The following FHOD3 variants were observed in gnomAD, a reference collection of about 807,000 sequenced individuals.
The protein encoded by FHOD3 is FH1/FH2 domain-containing protein 3.
In FHOD3, 90 loss-of-function variants were observed where a neutral mutation model predicts 173.0. The observed-to-expected ratio is 0.52, with a 90% CI of 0.44 to 0.62. The LOEUF is 0.62. FHOD3 is among the 20% of genes least tolerant of loss of function. FHOD3 has a pLI of 0.00. For synonymous variants in FHOD3, 828 were observed against 823.0 expected, an observed-to-expected ratio of 1.01 and a Z score of -0.10; for missense variants, 1,945 against 2,034.7, an observed-to-expected ratio of 0.96 and a Z score of 0.85.
intron 28 of FHOD3, among the ~76,000 whole-genome samples, chr18:36,769,903 A>G (rs1009342901): frequency 6.6e-6 from 1 of 152,110 alleles, no homozygotes; most frequent in Non-Finnish European, 1.5e-5. Flanking sequence ...GTAGCAAGGG[A>G]TTTGATGGTC....
At chr18:36,362,667 T>A in intron 2 of FHOD3, among the ~76,000 whole-genome samples, 1 of 152,022 alleles carries the variant, frequency 6.6e-6, no homozygotes, top group East Asian at 1.9e-4. Context: ...TCCCTGGCTG[T>A]AGGGAAAATG....
chr18:36,340,580 T>G (rs2045558910), intron 1 of FHOD3, among the ~76,000 whole-genome samples: 1 of 86,592 alleles, frequency 1.2e-5, no homozygotes, highest in Non-Finnish European at 3.0e-5. Flanking sequence ...CGGCTTTCTC[T>G]TGTTTTTTTT....
intron 9 of FHOD3, among the ~76,000 whole-genome samples, chr18:36,616,338 G>A (rs371793597): frequency 8.5e-5 from 13 of 152,254 alleles, no homozygotes; most frequent in African/African-American, 2.9e-4. Flanking sequence ...AGCATGATGC[G>A]GATGAATTGC....
chr18:36,370,518 A>G (rs1295529154), intron 2 of FHOD3, among the ~76,000 whole-genome samples: 2 of 152,082 alleles, frequency 1.3e-5, no homozygotes, highest in Admixed American at 6.6e-5. Flanking sequence ...CTGTGGGTCT[A>G]GAGAATTATG....
chr18:36,605,892 A>G (rs906829403), intron 8 of FHOD3, among the ~76,000 whole-genome samples: 1 of 152,232 alleles, frequency 6.6e-6, no homozygotes, highest in Non-Finnish European at 1.5e-5. Flanking sequence ...CCCTAATAAC[A>G]TGGAATTTTT....
At chr18:36,590,730 CAG>C (rs767543019) in intron 6 of FHOD3, among the ~76,000 whole-genome samples, 203 of 152,152 alleles carry the variant, frequency 1.3e-3, no homozygotes, top group Non-Finnish European at 2.4e-3. Context: ...AAGCTCCAAA[CAG>C]AGCCTGTATC....
At chr18:36,526,979 A>G (rs1389504547) in intron 5 of FHOD3, among the ~76,000 whole-genome samples, 1 of 152,204 alleles carries the variant, frequency 6.6e-6, no homozygotes, top group African/African-American at 2.4e-5. Context: ...ACCTTTTGTA[A>G]ATTACAGTTG....
At chr18:36,495,465 G>A (rs531344619) in intron 3 of FHOD3, among the ~76,000 whole-genome samples, 9 of 152,276 alleles carry the variant, frequency 5.9e-5, no homozygotes, top group Admixed American at 2.6e-4. Flanking sequence ...GAACCTCTGC[G>A]AACTCACGAG....
chr18:36,593,509 G>C (rs551333997), intron 6 of FHOD3, among the ~76,000 whole-genome samples: 1 of 152,250 alleles, frequency 6.6e-6, no homozygotes, highest in Admixed American at 6.5e-5. Flanking sequence ...ATTCCCTGTG[G>C]ACTGCACAAC....
At position 36,629,829 on chromosome 18, in the gene FHOD3, G is replaced by C. The variant is rs965140357; in HGVS notation, c.1196+4080G>C. Among the ~76,000 whole-genome samples, 19 of 152,218 alleles carry C rather than the reference G, an allele frequency of 1.2e-4. 1 individual carries two copies. Among genetic ancestry groups the C allele is most frequent in the African/African-American group, 4.3e-4 (18 of 41,516 alleles). On this transcript the variant is annotated intron_variant, in intron 10 of 28. Coordinates refer to ENST00000590592, the MANE Select transcript of FHOD3 (RefSeq NM_001281740.3). ...ACTGTGCAGGCCGGGATTGGTCCCAGTGGTCCCTTCGGGCAGTGGTTCTTG... is the reference window on the plus strand; with the variant it reads ...ACTGTGCAGGCCGGGATTGGTCCCACTGGTCCCTTCGGGCAGTGGTTCTTG...
At chr18:36,437,488 G>T (rs76968568) in intron 3 of FHOD3, among the ~76,000 whole-genome samples, 14,959 of 151,882 alleles carry the variant, frequency 0.098, 910 homozygotes, top group Non-Finnish European at 0.13. Flanking sequence ...ATTCAATTTT[G>T]TGTATTGAGT....
At chr18:36,707,286 C>A (rs928714041) in intron 17 of FHOD3, among the ~76,000 whole-genome samples, 18 of 152,166 alleles carry the variant, frequency 1.2e-4, no homozygotes, top group African/African-American at 4.3e-4. Flanking sequence ...GGGGTCTTTG[C>A]TGCCCCTCCC....
chr18:36,541,903 A>G (rs1438141440), intron 5 of FHOD3, among the ~76,000 whole-genome samples: 2 of 152,180 alleles, frequency 1.3e-5, no homozygotes, highest in South Asian at 2.1e-4. Flanking sequence ...TCAGATCTTC[A>G]GATAACAATG....
intron 27 of FHOD3, among the ~76,000 whole-genome samples, chr18:36,764,703 C>T (rs1374518180): frequency 1.3e-5 from 2 of 152,114 alleles, no homozygotes; most frequent in African/African-American, 4.8e-5. Flanking sequence ...TCTTTGCTGG[C>T]GTATGAAAGG....
chr18:36,580,968 G>A (rs2058829899), intron 6 of FHOD3, among the ~76,000 whole-genome samples: 1 of 152,200 alleles, frequency 6.6e-6, no homozygotes, highest in African/African-American at 2.4e-5. Context: ...GAAACATCTT[G>A]TCACTGTGTT....
chr18:36,459,603 A>T (rs2052431814), intron 3 of FHOD3, among the ~76,000 whole-genome samples: 1 of 152,188 alleles, frequency 6.6e-6, no homozygotes, highest in Admixed American at 6.5e-5. Flanking sequence ...CCTTGGAGAA[A>T]GGGAAGCTGT....
chr18:36,662,342 G>A (rs2036867041), intron 14 of FHOD3, among the ~76,000 whole-genome samples: 1 of 152,198 alleles, frequency 6.6e-6, no homozygotes, highest in East Asian at 1.9e-4. Flanking sequence ...ATCCTGCACT[G>A]TGAGTGCTCA....
chr18:36,657,420 A>AT (rs1688970250), intron 13 of FHOD3, among the ~76,000 whole-genome samples: 1 of 152,230 alleles, frequency 6.6e-6, no homozygotes, highest in South Asian at 2.1e-4. Flanking sequence ...AGATCTTGAA[A>AT]TTTAACTTGT....
chr18:36,655,023 G>C (rs2036314774), intron 13 of FHOD3, among the ~76,000 whole-genome samples: 3 of 150,000 alleles, frequency 2.0e-5, no homozygotes, highest in African/African-American at 7.3e-5. Flanking sequence ...ACCTCCAGGA[G>C]TTGTGAACTG....
Sources: gnomAD v4.1 joint callset for allele counts (sites outside exome capture counted in the v4.1 genomes callset) on GRCh38, gnomAD v4.1.1 for gene constraint, MANE v1.5 for transcripts, NCBI Gene and HGNC (gene_info 2026-07-23, HGNC 2026-07-21) for gene names.